Variants in PTPRM observed in about 807,000 individuals in gnomAD.
PTPRM encodes receptor-type tyrosine-protein phosphatase mu.
A neutral mutation model predicts 186.7 loss-of-function variants in PTPRM; 47 were observed. The observed-to-expected ratio is 0.25, with a 90% CI of 0.20 to 0.32. The LOEUF is 0.32. Ranked by LOEUF, PTPRM falls within the 10% of genes least tolerant of loss-of-function variation. The probability of loss-of-function intolerance (pLI) is 1.00; values close to 1 mark genes in which losing one functional copy is unlikely to be tolerated. For missense variants in PTPRM, 1,494 were observed against 1,865.0 expected, an observed-to-expected ratio of 0.80 and a Z score of 3.66; for synonymous variants, 668 against 674.9, an observed-to-expected ratio of 0.99 and a Z score of 0.16.
chr18:8,314,534 A>G (rs980471283), intron 20 of PTPRM, among the ~76,000 whole-genome samples: 15 of 152,214 alleles, frequency 9.9e-5, no homozygotes, highest in Non-Finnish European at 2.9e-5. Flanking sequence ...ACCTTTGTCA[A>G]TGCTTTAGGC....
intron 15 of PTPRM, among the ~76,000 whole-genome samples, chr18:8,244,931 G>C (rs1363934244): frequency 6.6e-6 from 1 of 152,196 alleles, no homozygotes; most frequent in African/African-American, 2.4e-5. Context: ...TTTCTTTACT[G>C]TGTGAAATCT....
intron 7 of PTPRM, among the ~76,000 whole-genome samples, chr18:8,049,855 G>T (rs578187642): frequency 6.6e-6 from 1 of 151,986 alleles, no homozygotes; most frequent in Admixed American, 6.6e-5. Context: ...GAGACTATAG[G>T]CACACACCGC....
chr18:8,105,174 TA>T (rs1464974131), intron 11 of PTPRM, among the ~76,000 whole-genome samples: 1 of 152,212 alleles, frequency 6.6e-6, no homozygotes, highest in Non-Finnish European at 1.5e-5. Flanking sequence ...GCCTGCTTTT[TA>T]TAGAATTTGT....
chr18:7,965,223 T>C (rs1418528239), intron 7 of PTPRM, among the ~76,000 whole-genome samples: 1 of 152,084 alleles, frequency 6.6e-6, no homozygotes, highest in African/African-American at 2.4e-5. Context: ...TATTTTTGTA[T>C]TTAGCAGAGA....
intron 14 of PTPRM, among the ~76,000 whole-genome samples, chr18:8,229,770 T>C (rs759972604): frequency 6.6e-6 from 1 of 152,164 alleles, no homozygotes; most frequent in Non-Finnish European, 1.5e-5. Context: ...ATTTTTATTA[T>C]ATTTGTATAA....
intron 11 of PTPRM, among the ~76,000 whole-genome samples, chr18:8,107,590 C>T (rs905027193): frequency 6.6e-6 from 1 of 152,186 alleles, no homozygotes; most frequent in African/African-American, 2.4e-5. Context: ...TTACTGATGC[C>T]AGGCAAGCTC....
rs146756991 is a variant in PTPRM, at chr18:7,951,212, A to C, written c.838+1857A>C. On this transcript the variant is annotated intron_variant, in intron 6 of 32. Transcript: ENST00000580170. ...TGTTGAAAGTGCTCTGGCAAGTGAG[A>C]CATCATGATGTACAGAAAGGACACT... 2.2e-3 allele frequency among the ~76,000 whole-genome samples: 333 copies of C among 152,314 alleles called. 4 individuals are homozygous for C. The highest frequency in any genetic ancestry group is 7.7e-3 in the African/African-American group (318 of 41,562).
chr18:8,339,135 C>A (rs545453600), intron 22 of PTPRM, among the ~76,000 whole-genome samples: 1 of 151,526 alleles, frequency 6.6e-6, no homozygotes, highest in Non-Finnish European at 1.5e-5. Flanking sequence ...GAATGTCTTT[C>A]ATTAATGCTT....
intron 14 of PTPRM, among the ~76,000 whole-genome samples, chr18:8,209,134 G>T (rs184167229): frequency 3.3e-5 from 5 of 152,338 alleles, no homozygotes; most frequent in Non-Finnish European, 5.9e-5. Context: ...GACATTGTCT[G>T]CTTTCTACTG....
chr18:7,938,992 A>G lies in PTPRM; in HGVS notation c.664-10189A>G, dbSNP rs192314993. On this transcript the variant is annotated intron_variant, in intron 5 of 32. Transcript: ENST00000580170. Reference sequence around the variant, plus strand: ...GGTTGTGGTCTAGAAATCAAAGGTCAACACTATGTTAATTATTAAAATCAA... The same window carrying G: ...GGTTGTGGTCTAGAAATCAAAGGTCGACACTATGTTAATTATTAAAATCAA... Among the ~76,000 whole-genome samples, 4 of 152,366 alleles carry G rather than the reference A, an allele frequency of 2.6e-5. No homozygotes were observed. The East Asian group carries it at 7.7e-4, about 29-fold the overall frequency.
intron 23 of PTPRM, 100 bp downstream of exon 23, chr18:8,343,620 C>A: frequency 1.0e-6 from 1 of 962,066 alleles, no homozygotes; most frequent in Non-Finnish European, 1.6e-6. Context: ...ATGTGTACTC[C>A]CCAAAACATT....
chr18:8,381,636 C>T (rs2095736865), intron 29 of PTPRM, among the ~76,000 whole-genome samples: 1 of 152,142 alleles, frequency 6.6e-6, no homozygotes, highest in South Asian at 2.1e-4. Flanking sequence ...AAACTCTTCC[C>T]CACTGATGCT....
chr18:8,035,132 T>A (rs2086237488), intron 7 of PTPRM, among the ~76,000 whole-genome samples: 1 of 152,230 alleles, frequency 6.6e-6, no homozygotes. Context: ...TAGCCGAGAA[T>A]CTTCCAAACT....
intron 2 of PTPRM, among the ~76,000 whole-genome samples, chr18:7,800,971 A>G (rs948190210): frequency 3.9e-5 from 6 of 152,136 alleles, no homozygotes; most frequent in African/African-American, 1.4e-4. Flanking sequence ...GGGCACTTAC[A>G]ATGAATGGAG....
At position 8,346,207 on chromosome 18, in the gene PTPRM, G is replaced by T. The variant is rs539011519; in HGVS notation, c.3054+2687G>T. Among the ~76,000 whole-genome samples the T allele has an allele frequency of 1.3e-4, 20 of 152,328 alleles. No homozygotes were observed. The East Asian group carries it at 3.3e-3, about 25-fold the overall frequency. On this transcript the variant is annotated intron_variant, in intron 23 of 32. Coordinates refer to ENST00000580170, the MANE Select transcript of PTPRM (RefSeq NM_001105244.2). The stretch of plus-strand genomic sequence containing the variant: ...TCCACAGACCTTTCTCTGGAAAGAG[G>T]AAACTAGCAGTACTGTGTGTCCACC...
At chr18:8,164,869 A>T (rs1295830718) in intron 14 of PTPRM, among the ~76,000 whole-genome samples, 2 of 146,420 alleles carry the variant, frequency 1.4e-5, no homozygotes, top group Non-Finnish European at 3.0e-5. Flanking sequence ...ATTTTATTAC[A>T]ATAAATATCT....
intron 7 of PTPRM, among the ~76,000 whole-genome samples, chr18:8,063,114 C>T (rs2088725189): frequency 2.0e-5 from 3 of 151,100 alleles, no homozygotes; most frequent in South Asian, 2.1e-4. Context: ...AGCGAGACTC[C>T]GTGGGCGTAG....
chr18:7,749,627 C>T (rs977338803), intron 1 of PTPRM, among the ~76,000 whole-genome samples: 5 of 152,124 alleles, frequency 3.3e-5, no homozygotes, highest in Admixed American at 6.5e-5. Flanking sequence ...TTGCTCCTGT[C>T]TGAGCCGATC....
chr18:8,165,158 A>G (rs1383685309), intron 14 of PTPRM, among the ~76,000 whole-genome samples: 1 of 140,276 alleles, frequency 7.1e-6, no homozygotes, highest in Non-Finnish European at 1.5e-5. Flanking sequence ...ACAGAGCAAG[A>G]CTCCATCTCA....
Sources: allele counts gnomAD v4.1 joint callset (sites outside exome capture counted in the v4.1 genomes callset), GRCh38; gene constraint gnomAD v4.1.1; transcripts MANE v1.5; gene names NCBI Gene and HGNC (gene_info 2026-07-23, HGNC 2026-07-21).